The following AK8 variants were observed in gnomAD, a reference collection of about 807,000 sequenced individuals.
AK8 encodes the protein adenylate kinase 8.
In AK8, 44 loss-of-function variants were observed where a neutral mutation model predicts 54.6. The observed-to-expected ratio is 0.81, with a 90% CI of 0.63 to 1.04. The LOEUF (loss-of-function observed/expected upper bound fraction) is 1.04, where lower values mean the gene tolerates loss of function less well. Among genes scored for constraint, AK8 ranks in the 50% least tolerant of loss-of-function variants. The probability of loss-of-function intolerance (pLI) is 0.00; values close to 1 mark genes in which losing one functional copy is unlikely to be tolerated. For missense variants in AK8, 555 were observed against 613.6 expected, an observed-to-expected ratio of 0.90 and a Z score of 1.01; for synonymous variants, 239 against 245.6, an observed-to-expected ratio of 0.97 and a Z score of 0.25.
In AK8 at chr9:132,804,227, C is replaced by T. The variant is rs933688373; in HGVS notation, c.979+10411G>A. ...GCAGCATCTGGGCCCTGGGATTGTC[C>T]ACACCACAGGGACCCAGGTCAACTG... On this transcript the variant is annotated intron_variant, in intron 10 of 12. Transcript: ENST00000298545. Among the ~76,000 whole-genome samples the T allele has an allele frequency of 9.2e-5, 14 of 152,206 alleles. 1 individual carries two copies. Among genetic ancestry groups the T allele is most frequent in the Admixed American group, 8.5e-4 (13 of 15,292 alleles).
chr9:132,848,711 T>TG (rs1051729601), intron 5 of AK8, among the ~76,000 whole-genome samples: 2 of 151,806 alleles, frequency 1.3e-5, no homozygotes, highest in Non-Finnish European at 2.9e-5. Flanking sequence ...TTGCTAGAAG[T>TG]GGGGGGTGCT....
At chr9:132,788,776 G>T (rs1183439047) in intron 11 of AK8, among the ~76,000 whole-genome samples, 1 of 152,098 alleles carries the variant, frequency 6.6e-6, no homozygotes, top group Non-Finnish European at 1.5e-5. Context: ...AACAGTTACT[G>T]CCTGAGTTTT....
At chr9:132,817,220 A>G (rs1841372344) in intron 9 of AK8, among the ~76,000 whole-genome samples, 1 of 152,224 alleles carries the variant, frequency 6.6e-6, no homozygotes, top group African/African-American at 2.4e-5. Flanking sequence ...AAGCCTGAAA[A>G]TAAGCTTCAG....
At chr9:132,735,738 G>T (rs577665206) in intron 11 of AK8, among the ~76,000 whole-genome samples, 14 of 152,272 alleles carry the variant, frequency 9.2e-5, no homozygotes, top group African/African-American at 2.9e-4. Context: ...CCGAAAGCAG[G>T]GACTTGAACA....
intron 11 of AK8, among the ~76,000 whole-genome samples, chr9:132,760,701 G>A (rs141780711): frequency 5.3e-5 from 8 of 152,182 alleles, no homozygotes; most frequent in Admixed American, 5.2e-4. Flanking sequence ...AAGACCTATG[G>A]TTGCTATAGT....
At chr9:132,853,368 A>G (rs1588215484) in intron 5 of AK8, among the ~76,000 whole-genome samples, 1 of 151,582 alleles carries the variant, frequency 6.6e-6, no homozygotes, top group Admixed American at 6.6e-5. Context: ...AAAAAAAAAA[A>G]AAAAGAAAAG....
At chr9:132,864,238 C>T (rs375958279) in intron 3 of AK8, among the ~76,000 whole-genome samples, 1 of 152,048 alleles carries the variant, frequency 6.6e-6, no homozygotes, top group East Asian at 1.9e-4. Flanking sequence ...ACTCTATAGT[C>T]TATAAGGGAA....
At chr9:132,748,244 G>A (rs1260898583) in intron 11 of AK8, among the ~76,000 whole-genome samples, 2 of 150,806 alleles carry the variant, frequency 1.3e-5, no homozygotes, top group Non-Finnish European at 2.9e-5. Flanking sequence ...GTTCTTATGC[G>A]CAGATCATAA....
At chr9:132,775,360 T>C (rs1318281702) in intron 11 of AK8, among the ~76,000 whole-genome samples, 2 of 152,218 alleles carry the variant, frequency 1.3e-5, no homozygotes, top group African/African-American at 4.8e-5. Flanking sequence ...TGGAGTGCAG[T>C]GGCGCAACCT....
rs1395809091 is a variant in AK8 at position 132,743,743 on chromosome 9, G to A, written c.1122-16209C>T. On this transcript the variant is annotated intron_variant, in intron 11 of 12. Transcript: ENST00000298545. Reference sequence around the variant, plus strand: ...CCTGCCGGGCACTGGTAGTAAGCACGTTACATGCACGTGCTATCTTATTTA... The same window carrying A: ...CCTGCCGGGCACTGGTAGTAAGCACATTACATGCACGTGCTATCTTATTTA... 2.6e-5 allele frequency among the ~76,000 whole-genome samples: 4 copies of A among 152,142 alleles called. No homozygotes were observed. In the East Asian group the frequency reaches 5.8e-4, roughly 22 times the overall value.
intron 10 of AK8, among the ~76,000 whole-genome samples, chr9:132,811,950 G>A (rs7045631): frequency 0.016 from 2,384 of 152,304 alleles, 72 homozygotes; most frequent in African/African-American, 0.055. Context: ...ACCCTTCCCT[G>A]GTGTTGGCCG....
intron 11 of AK8, among the ~76,000 whole-genome samples, chr9:132,779,239 T>C (rs569751906): frequency 1.2e-4 from 19 of 152,384 alleles, no homozygotes; most frequent in African/African-American, 4.6e-4. Context: ...GGAAGTGTCA[T>C]AGTAAATGTG....
chr9:132,777,459 C>T (rs984110134), intron 11 of AK8, among the ~76,000 whole-genome samples: 17 of 152,176 alleles, frequency 1.1e-4, no homozygotes, highest in African/African-American at 4.1e-4. Context: ...GTGTTCCTTG[C>T]CCCTGCTGCC....
intron 5 of AK8, among the ~76,000 whole-genome samples, chr9:132,845,614 C>G (rs1194942885): frequency 1.3e-5 from 2 of 152,084 alleles, no homozygotes; most frequent in Non-Finnish European, 2.9e-5. Flanking sequence ...CACATGGTCT[C>G]TACTAAAAAT....
intron 11 of AK8, among the ~76,000 whole-genome samples, chr9:132,728,654 C>T (rs955252332): frequency 2.0e-5 from 3 of 152,154 alleles, no homozygotes; most frequent in Non-Finnish European, 4.4e-5. Flanking sequence ...CCCTGTCCTC[C>T]TTGGAGAGGT....
chr9:132,823,556 C>T (rs1841745174), intron 8 of AK8, among the ~76,000 whole-genome samples: 1 of 152,210 alleles, frequency 6.6e-6, no homozygotes, highest in African/African-American at 2.4e-5. Flanking sequence ...ACAGAAGCCA[C>T]CCTGGAGCGC....
In AK8 at chr9:132,814,738, G is replaced by C; in HGVS notation, c.890-11C>G. ...GTTGCCCACAGCAGACTGAAGGAGA[G>C]GGGAACAGAAAGACACCCATTAAAT... is the stretch of plus-strand genomic sequence containing the variant. On this transcript the variant is annotated splice_polypyrimidine_tract_variant and intron_variant, in intron 9 of 12. Coordinates refer to ENST00000298545, the MANE Select transcript of AK8 (RefSeq NM_152572.3). 1 of 1,612,174 alleles carries C rather than the reference G, an allele frequency of 6.2e-7. No homozygotes were observed. The highest frequency in any genetic ancestry group is 1.1e-5 in the South Asian group (1 of 90,810).
At chr9:132,869,821 G>T (rs897783930) in intron 2 of AK8, among the ~76,000 whole-genome samples, 8 of 151,890 alleles carry the variant, frequency 5.3e-5, no homozygotes, top group Non-Finnish European at 1.2e-4. Flanking sequence ...GTGGCAGGGA[G>T]GGTGGTCAAG....
At chr9:132,814,861 G>C (rs1300472241) in intron 9 of AK8, 134 bp from the exon 10 acceptor site, 2 of 652,952 alleles carry the variant, frequency 3.1e-6, no homozygotes, top group African/African-American at 3.7e-5. Context: ...GGGTTTTTCT[G>C]TGTGTGGGTA....
Sources: gnomAD v4.1 joint callset for allele counts (sites outside exome capture counted in the v4.1 genomes callset) on GRCh38, gnomAD v4.1.1 for gene constraint, MANE v1.5 for transcripts, NCBI Gene and HGNC (gene_info 2026-07-23, HGNC 2026-07-21) for gene names.